Variants in SLC1A3 observed in about 807,000 individuals in gnomAD.
SLC1A3 encodes the protein excitatory amino acid transporter 1.
Under a neutral mutation model 48.1 loss-of-function variants are expected in SLC1A3, and 21 were observed. The ratio of observed to expected loss-of-function variants is 0.44; its 90% CI spans 0.31 to 0.63. The LOEUF (loss-of-function observed/expected upper bound fraction) is 0.63. SLC1A3 is among the 20% of genes least tolerant of loss of function. The pLI, the probability that SLC1A3 is intolerant of heterozygous loss-of-function variation, is 0.08. For missense variants in SLC1A3, 546 were observed against 689.0 expected (o/e 0.79, Z 2.32); for synonymous variants, 239 against 251.4 (o/e 0.95, Z 0.47).
chr5:36,687,803 C>T lies in SLC1A3; in HGVS notation c.*1534C>T. 1 of 152,722 alleles carries T rather than the reference C, an allele frequency of 6.5e-6. No individual in the cohort carries two copies. Among genetic ancestry groups the T allele is most frequent in the Non-Finnish European group, 1.5e-5 (1 of 68,018 alleles). The allele number at this position is 152,722 out of a possible 1,614,324, so 9.5% of individuals were successfully genotyped here. A position where few individuals can be genotyped will look rare whatever the true frequency, so the allele number is the denominator to read the frequency against. ...GCAGGGGCATTAGTTTCAGGCAAGG[C>T]AGCTCCCAGGTTTAGAGATTAATTT... On this transcript the variant is annotated 3_prime_UTR_variant, in exon 10 of 10. Coordinates refer to ENST00000265113, the MANE Select transcript of SLC1A3 (RefSeq NM_004172.5).
intron 1 of SLC1A3, among the ~76,000 whole-genome samples, chr5:36,599,358 C>G (rs894982053): frequency 2.0e-5 from 3 of 152,102 alleles, no homozygotes; most frequent in African/African-American, 7.2e-5. Context: ...AGTTTTATTT[C>G]CCGCATTTGT....
At chr5:36,598,180 A>G (rs957905) in intron 1 of SLC1A3, among the ~76,000 whole-genome samples, 4,926 of 152,286 alleles carry the variant, frequency 0.032, 214 homozygotes, top group African/African-American at 0.096. Flanking sequence ...TCTTGGTCCA[A>G]CCACTTAACC....
intron 3 of SLC1A3, among the ~76,000 whole-genome samples, chr5:36,636,600 CTTTTT>C (rs11292001): frequency 9.3e-6 from 1 of 107,774 alleles, no homozygotes. Flanking sequence ...TTTCTTCTTT[CTTTTT>C]TTTTTTTTTT....
intron 1 of SLC1A3, among the ~76,000 whole-genome samples, chr5:36,607,966 C>T (rs1179726533): frequency 6.6e-6 from 1 of 152,064 alleles, no homozygotes; most frequent in Admixed American, 6.6e-5. Context: ...TCTGTGCATT[C>T]AGTTCAATTG....
intron 3 of SLC1A3, among the ~76,000 whole-genome samples, chr5:36,643,839 C>T (rs892649227): frequency 1.3e-5 from 2 of 151,718 alleles, no homozygotes; most frequent in Non-Finnish European, 2.9e-5. Flanking sequence ...CTAAAGATAC[C>T]AAAAAATAGC....
chr5:36,652,096 T>C (rs1407329839), intron 3 of SLC1A3, among the ~76,000 whole-genome samples: 2 of 152,182 alleles, frequency 1.3e-5, no homozygotes, highest in Non-Finnish European at 2.9e-5. Flanking sequence ...CTGGAAAGAT[T>C]CACTGATTCA....
chr5:36,658,014 G>A (rs1741351497), intron 3 of SLC1A3, among the ~76,000 whole-genome samples: 1 of 152,188 alleles, frequency 6.6e-6, no homozygotes, highest in East Asian at 1.9e-4. Context: ...CTCCTGTTTT[G>A]GGCAGGCAAT....
At chr5:36,659,921 C>T (rs975838485) in intron 3 of SLC1A3, among the ~76,000 whole-genome samples, 1 of 152,206 alleles carries the variant, frequency 6.6e-6, no homozygotes, top group African/African-American at 2.4e-5. Context: ...CACTACCTTA[C>T]CAATTCATTC....
rs2111931340 is a variant in SLC1A3, at chr5:36,671,371, C to T, written c.524+138C>T. On this transcript the variant is annotated intron_variant, in intron 4 of 9. Coordinates refer to ENST00000265113, the MANE Select transcript of SLC1A3 (RefSeq NM_004172.5). Reference sequence around the variant, plus strand: ...TGAAATGAAGGTCATATATCTTTACCTCTTTCTTATAGAAATTGAAGAAAG... The same window carrying T: ...TGAAATGAAGGTCATATATCTTTACTTCTTTCTTATAGAAATTGAAGAAAG... 1.5e-5 allele frequency: 11 copies of T among 715,020 alleles called. No homozygotes were observed. The South Asian group carries it at 1.6e-4, about 11-fold the overall frequency. The allele number at this position is 715,020 out of a possible 1,614,324, so 44.3% of individuals were successfully genotyped here. A position where few individuals can be genotyped will look rare whatever the true frequency, so the allele number is the denominator to read the frequency against.
chr5:36,661,872 A>T (rs1477659998), intron 3 of SLC1A3, among the ~76,000 whole-genome samples: 1 of 152,186 alleles, frequency 6.6e-6, no homozygotes, highest in Admixed American at 6.5e-5. Context: ...AATTTTGGAC[A>T]AGTCAAGCCT....
chr5:36,626,556 G>A (rs775747833), intron 2 of SLC1A3, among the ~76,000 whole-genome samples: 12 of 152,140 alleles, frequency 7.9e-5, no homozygotes, highest in Non-Finnish European at 1.8e-4. Flanking sequence ...ACCAAAATGA[G>A]CCCCTTGTGT....
At chr5:36,624,703 C>T (rs1561247321) in intron 2 of SLC1A3, among the ~76,000 whole-genome samples, 1 of 152,184 alleles carries the variant, frequency 6.6e-6, no homozygotes, top group Non-Finnish European at 1.5e-5. Flanking sequence ...TCTCACGTTA[C>T]TACCGATGGT....
At chr5:36,611,084 C>T (rs1191375841) in intron 2 of SLC1A3, among the ~76,000 whole-genome samples, 1 of 152,098 alleles carries the variant, frequency 6.6e-6, no homozygotes, top group South Asian at 2.1e-4. Context: ...CACTGGGTTC[C>T]ATGTCTACCA....
intron 2 of SLC1A3, among the ~76,000 whole-genome samples, chr5:36,627,758 C>G (rs28458324): frequency 6.6e-6 from 1 of 152,142 alleles, no homozygotes; most frequent in Non-Finnish European, 1.5e-5. Flanking sequence ...AAAGTGGTTG[C>G]CTTTGCTCTA....
At chr5:36,680,004 C>T (rs535018476) in intron 7 of SLC1A3, 144 bp downstream of exon 7, 22 of 706,050 alleles carry the variant, frequency 3.1e-5, no homozygotes, top group South Asian at 3.1e-4. Flanking sequence ...ATGTCAATCA[C>T]ACCTGTTTGG....
intron 5 of SLC1A3, among the ~76,000 whole-genome samples, chr5:36,675,017 AAAT>A (rs1396857648): frequency 3.3e-5 from 5 of 152,298 alleles, no homozygotes; most frequent in Admixed American, 6.5e-5. Flanking sequence ...ACTCTTGGTT[AAAT>A]AATATTTCCC....
chr5:36,603,176 C>T (rs1394563633), upstream of SLC1A3, among the ~76,000 whole-genome samples: 1 of 152,240 alleles, frequency 6.6e-6, no homozygotes, highest in Non-Finnish European at 1.5e-5. Flanking sequence ...GGCCTGTTCT[C>T]CAGCAGGAAC....
chr5:36,623,922 G>A (rs1264097865), intron 2 of SLC1A3, among the ~76,000 whole-genome samples: 4 of 152,024 alleles, frequency 2.6e-5, no homozygotes, highest in South Asian at 2.1e-4. Flanking sequence ...CTCCTTGGTC[G>A]GAAAGACAGA....
intron 2 of SLC1A3, among the ~76,000 whole-genome samples, chr5:36,616,462 G>A (rs765540793): frequency 1.3e-5 from 2 of 152,136 alleles, no homozygotes; most frequent in African/African-American, 2.4e-5. Flanking sequence ...AAATTGAAAG[G>A]CACAACCAAG....
Sources: allele counts gnomAD v4.1 joint callset (sites outside exome capture counted in the v4.1 genomes callset), GRCh38; gene constraint gnomAD v4.1.1; transcripts MANE v1.5; gene names NCBI Gene and HGNC (gene_info 2026-07-23, HGNC 2026-07-21).